Variants in FBXW7 observed in about 807,000 individuals in gnomAD.
FBXW7 encodes the protein F-box and WD repeat domain containing 7.
Under a neutral mutation model 86.3 loss-of-function variants are expected in FBXW7, and 11 were observed. The observed-to-expected ratio is 0.13, with a 90% CI of 0.08 to 0.21. FBXW7 has a LOEUF of 0.21. FBXW7 is among the 10% of genes least tolerant of loss of function. The probability of loss-of-function intolerance (pLI) is 1.00; values close to 1 mark genes in which losing one functional copy is unlikely to be tolerated. For synonymous variants in FBXW7, 313 were observed against 297.9 expected, an observed-to-expected ratio of 1.05 and a Z score of -0.52; for missense variants, 488 against 847.4, an observed-to-expected ratio of 0.58 and a Z score of 5.27.
intron 2 of FBXW7, among the ~76,000 whole-genome samples, chr4:152,495,229 T>A (rs1398981368): frequency 6.6e-6 from 1 of 151,948 alleles, no homozygotes. Flanking sequence ...GGTCAGGAGT[T>A]CGAGATCACC....
chr4:152,373,218 C>T (rs1437726731), intron 4 of FBXW7, among the ~76,000 whole-genome samples: 4 of 151,960 alleles, frequency 2.6e-5, no homozygotes, highest in African/African-American at 7.2e-5. Context: ...AGATTCCTCA[C>T]GTGTAAAACA....
At chr4:152,405,526 A>T (rs1222216046) in intron 4 of FBXW7, among the ~76,000 whole-genome samples, 1 of 152,222 alleles carries the variant, frequency 6.6e-6, no homozygotes, top group Admixed American at 6.5e-5. Context: ...GGGGCACCAG[A>T]TATCTGTATT....
At chr4:152,384,324 A>C (rs551382695) in intron 4 of FBXW7, among the ~76,000 whole-genome samples, 1 of 152,282 alleles carries the variant, frequency 6.6e-6, no homozygotes, top group South Asian at 2.1e-4. Context: ...GACATATACA[A>C]ACAAGGGAAC....
At chr4:152,334,380 G>A (rs944916479) in intron 7 of FBXW7, among the ~76,000 whole-genome samples, 5 of 152,152 alleles carry the variant, frequency 3.3e-5, no homozygotes, top group African/African-American at 2.4e-5. Flanking sequence ...AGGCAAGTTC[G>A]CTTTGTGTCA....
intron 12 of FBXW7, chr4:152,325,089 AAC>A (rs77499727): frequency 0.014 from 2,093 of 151,420 alleles, 27 homozygotes; most frequent in Middle Eastern, 0.037. Context: ...TTCTCAATCA[AAC>A]AGTTTATTTA....
At chr4:152,346,810 T>C in intron 6 of FBXW7, 120 bp downstream of exon 6, 1 of 1,334,072 alleles carries the variant, frequency 7.5e-7, no homozygotes, top group Non-Finnish European at 1.0e-6. Context: ...GCAGAATGAT[T>C]TCAAAATTCA....
intron 2 of FBXW7, among the ~76,000 whole-genome samples, chr4:152,515,006 G>A (rs1748344039): frequency 6.6e-6 from 1 of 152,198 alleles, no homozygotes; most frequent in South Asian, 2.1e-4. Flanking sequence ...AAATATGGAT[G>A]AGGGAGCTAC....
chr4:152,409,801 C>T (rs1005069816), intron 4 of FBXW7, among the ~76,000 whole-genome samples: 7 of 151,664 alleles, frequency 4.6e-5, no homozygotes, highest in African/African-American at 1.7e-4. Context: ...TACATAAATG[C>T]ATACACACAT....
At chr4:152,431,049 T>A (rs1311724865) in intron 2 of FBXW7, among the ~76,000 whole-genome samples, 1 of 152,148 alleles carries the variant, frequency 6.6e-6, no homozygotes, top group Non-Finnish European at 1.5e-5. Flanking sequence ...AAAAGGAAAA[T>A]GGAACGAGTG....
intron 2 of FBXW7, among the ~76,000 whole-genome samples, chr4:152,487,854 C>T (rs1745484193): frequency 6.6e-6 from 1 of 151,944 alleles, no homozygotes; most frequent in Non-Finnish European, 1.5e-5. Flanking sequence ...TTCTGTAATT[C>T]TTGCTGTTTA....
intron 4 of FBXW7, among the ~76,000 whole-genome samples, chr4:152,367,270 T>C (rs1733576737): frequency 6.6e-6 from 1 of 152,036 alleles, no homozygotes; most frequent in Non-Finnish European, 1.5e-5. Context: ...GAACTTAAAG[T>C]ATAAAAAAAA....
intron 2 of FBXW7, among the ~76,000 whole-genome samples, chr4:152,439,395 T>C (rs1004700976): frequency 1.3e-5 from 2 of 152,048 alleles, no homozygotes; most frequent in African/African-American, 4.8e-5. Context: ...CTGGGGTAAA[T>C]ATTTAGCTAT....
At chr4:152,427,515 T>A (rs1457075397) in intron 2 of FBXW7, among the ~76,000 whole-genome samples, 2 of 152,236 alleles carry the variant, frequency 1.3e-5, no homozygotes, top group African/African-American at 4.8e-5. Flanking sequence ...TTAGCTTCTG[T>A]GACATTAGTC....
intron 2 of FBXW7, among the ~76,000 whole-genome samples, chr4:152,462,588 A>AAAAT (rs1318982373): frequency 2.0e-5 from 3 of 152,266 alleles, no homozygotes; most frequent in Non-Finnish European, 2.9e-5. Context: ...ACAGGAGGCG[A>AAAAT]AAATGCACCA....
intron 2 of FBXW7, among the ~76,000 whole-genome samples, chr4:152,520,134 A>G (rs1290096177): frequency 6.6e-6 from 1 of 152,224 alleles, no homozygotes; most frequent in East Asian, 1.9e-4. Context: ...AACTGGGGGT[A>G]AAAAATCAAT....
intron 2 of FBXW7, among the ~76,000 whole-genome samples, chr4:152,428,797 G>A (rs554163287): frequency 6.6e-5 from 10 of 152,294 alleles, no homozygotes; most frequent in Admixed American, 2.6e-4. Flanking sequence ...CAGAGTCCAC[G>A]GGATTTGATT....
At chr4:152,327,164 A>T (rs1560760068) in intron 11 of FBXW7, among the ~76,000 whole-genome samples, 1 of 152,080 alleles carries the variant, frequency 6.6e-6, no homozygotes. Context: ...AGAACCCTTT[A>T]ATTGAGAACC....
chr4:152,379,821 A>G (rs574865268), intron 4 of FBXW7, among the ~76,000 whole-genome samples: 146 of 152,370 alleles, frequency 9.6e-4, no homozygotes, highest in Non-Finnish European at 1.8e-3. Context: ...AACTACCAGT[A>G]CTAATATTAC....
chr4:152,328,491 T>G lies in FBXW7; in HGVS notation c.1237-102A>C, dbSNP rs1729261169. Reference sequence around the variant, plus strand: ...ATTTGGAGTAAAGTTACTTATTTAATTTGTTTGGCTCTTCAGAAAATATTA... The same window carrying G: ...ATTTGGAGTAAAGTTACTTATTTAAGTTGTTTGGCTCTTCAGAAAATATTA... On this transcript the variant is annotated intron_variant, in intron 10 of 13. Coordinates refer to ENST00000281708, the MANE Select transcript of FBXW7 (RefSeq NM_001349798.2). The G allele has an allele frequency of 8.3e-6, 6 of 726,768 alleles. No homozygotes were observed. In the East Asian group the frequency reaches 1.8e-4, roughly 22 times the overall value. 45.0% of individuals were successfully genotyped at this position (726,768 alleles called of 1,614,324 possible).
Sources: allele counts gnomAD v4.1 joint callset (sites outside exome capture counted in the v4.1 genomes callset), GRCh38; gene constraint gnomAD v4.1.1; transcripts MANE v1.5; gene names NCBI Gene and HGNC (gene_info 2026-07-23, HGNC 2026-07-21).